NASP: variants seen among roughly 807,000 people sequenced by gnomAD.
The protein encoded by NASP is nuclear autoantigenic sperm protein, also known as NASP histone chaperone.
In NASP, 24 loss-of-function variants were observed where a neutral mutation model predicts 89.5. The ratio of observed to expected loss-of-function variants is 0.27; its 90% CI spans 0.19 to 0.38. The LOEUF (loss-of-function observed/expected upper bound fraction) is 0.38, where lower values mean the gene tolerates loss of function less well. Ranked by LOEUF, NASP falls within the 10% of genes least tolerant of loss-of-function variation. The probability of loss-of-function intolerance (pLI) is 1.00; values close to 1 mark genes in which losing one functional copy is unlikely to be tolerated. For missense variants in NASP, 848 were observed against 921.4 expected (o/e 0.92, Z 1.03); for synonymous variants, 306 against 324.7 (o/e 0.94, Z 0.62).
intron 2 of NASP, chr1:45,594,689 T>C (rs1281108561): frequency 2.2e-6 from 1 of 454,726 alleles, no homozygotes; most frequent in African/African-American, 2.0e-5. Flanking sequence ...GTATTTTGTT[T>C]TTAGAGATGA....
intron 2 of NASP, among the ~76,000 whole-genome samples, chr1:45,597,135 C>T (rs1446655980): frequency 6.6e-6 from 1 of 151,876 alleles, no homozygotes; most frequent in Non-Finnish European, 1.5e-5. Context: ...ATGGTGAAAC[C>T]GTCTCTACTA....
At chr1:45,618,015 G>T (rs772290557) in intron 14 of NASP, 46 bp from the exon 15 acceptor site, 30 of 1,529,330 alleles carry the variant, frequency 2.0e-5, no homozygotes, top group Non-Finnish European at 2.5e-5. Context: ...AAGACAGAAT[G>T]GCTTAAACTA....
In NASP at chr1:45,584,161, C is replaced by T. The variant is rs771941099; in HGVS notation, c.15C>T (p.Ser5=). ...TCAGGGGAACGATGGCCATGGAGTCCACAGCCACTGCCGCCGTCGCCGCGG... is the reference window on the plus strand; with the variant it reads ...TCAGGGGAACGATGGCCATGGAGTCTACAGCCACTGCCGCCGTCGCCGCGG... MAME[S]TATAAVAAEL... is the part of the protein sequence containing the mutation. Residue 5 remains serine, a synonymous_variant, in exon 1 of 15, where the codon TCC becomes TCT. Coordinates refer to ENST00000350030, the MANE Select transcript of NASP (RefSeq NM_002482.4). The T allele has an allele frequency of 5.2e-5, 83 of 1,596,384 alleles. No individual in the cohort carries two copies. The highest frequency in any genetic ancestry group is 7.0e-5 in the Non-Finnish European group (82 of 1,171,890).
At position 45,602,305 on chromosome 1, in the gene NASP, A is replaced by G; in HGVS notation, c.158A>G (p.His53Arg). The G allele has an allele frequency of 1.2e-6, 2 of 1,613,824 alleles. No homozygotes were observed. Among genetic ancestry groups the G allele is most frequent in the Non-Finnish European group, 1.7e-6 (2 of 1,179,776 alleles). ...AKKLLGLGQK[H>R]LVMGDIPAAV... Reference sequence around the variant, plus strand: ...AAACTATTGGGTTTAGGACAGAAACATCTGGTGATGGGGGATATTCCAGCA... The same window carrying G: ...AAACTATTGGGTTTAGGACAGAAACGTCTGGTGATGGGGGATATTCCAGCA... Residue 53 changes from histidine to arginine, a missense_variant, in exon 3 of 15, where the codon CAT becomes CGT. Around this residue, in one of 5 missense-constraint regions of NASP, gnomAD observed 89 missense variants for 79.2 expected, o/e 1.12. Coordinates refer to ENST00000350030, the MANE Select transcript of NASP (RefSeq NM_002482.4).
At chr1:45,584,343 C>G (rs995069429) in intron 1 of NASP, 138 bp downstream of exon 1, 1 of 748,224 alleles carries the variant, frequency 1.3e-6, no homozygotes, top group Non-Finnish European at 2.2e-6. Flanking sequence ...TCGGGAAGGC[C>G]TGGTCACTGG....
intron 3 of NASP, among the ~76,000 whole-genome samples, chr1:45,602,834 G>C (rs1643869441): frequency 6.6e-6 from 1 of 152,132 alleles, no homozygotes. Flanking sequence ...ACATTGCCCA[G>C]GCTGGTCTCG....
intron 2 of NASP, among the ~76,000 whole-genome samples, chr1:45,593,028 A>C (rs1643591127): frequency 6.6e-6 from 1 of 152,342 alleles, no homozygotes; most frequent in Admixed American, 6.5e-5. Context: ...TTGGATAAAA[A>C]GACATCATTC....
Position 45,584,165 on chromosome 1 carries a change from G to C in NASP, c.19G>C (p.Ala7Pro). The C allele has an allele frequency of 1.3e-6, 2 of 1,596,878 alleles. No individual in the cohort carries two copies. ...GGGAACGATGGCCATGGAGTCCACA[G>C]CCACTGCCGCCGTCGCCGCGGAGCT... is the stretch of plus-strand genomic sequence containing the variant. MAMESTATAAVAAELVS... is the reference protein window; with the variant it reads MAMESTPTAAVAAELVS... The change falls in exon 1 of 15, where the codon GCC becomes CCC. Residue 7 changes from alanine to proline, a missense_variant. Around this residue, in one of 5 missense-constraint regions of NASP, gnomAD observed 89 missense variants for 79.2 expected, o/e 1.12. Transcript: ENST00000350030.
At chr1:45,594,638 C>G (rs1367716194) in intron 2 of NASP, 6 of 436,404 alleles carry the variant, frequency 1.4e-5, no homozygotes, top group Non-Finnish European at 2.8e-5. Flanking sequence ...TCCTGGGTAG[C>G]TAGGATCACA....
rs762849720 is a variant in NASP at position 45,607,783 on chromosome 1, C to T, written c.872C>T (p.Thr291Ile). The T allele has an allele frequency of 6.2e-6, 10 of 1,613,984 alleles. No individual in the cohort carries two copies. The highest frequency in any genetic ancestry group is 7.6e-6 in the Non-Finnish European group (9 of 1,180,032). The change falls in exon 6 of 15, where the codon ACT (threonine) becomes ATT (isoleucine). Residue 291 changes from threonine to isoleucine, a missense_variant. By Grantham distance (89) the Thr-to-Ile change is moderately conservative. Transcript: ENST00000350030. ...QPVVTLEKQG[T>I]AVEVEAESLD... ...GTGGTGACTCTAGAAAAGCAGGGCA[C>T]TGCAGTGGAGGTAGAAGCAGAGTCT...
At chr1:45,606,447 C>T in intron 4 of NASP, 35 bp from the exon 5 acceptor site, 1 of 1,497,438 alleles carries the variant, frequency 6.7e-7, no homozygotes, top group Non-Finnish European at 9.3e-7. Flanking sequence ...AGGTTCTAGC[C>T]ATCAAACCTT....
At chr1:45,604,819 G>T in intron 3 of NASP, 117 bp from the exon 4 acceptor site, 1 of 748,000 alleles carries the variant, frequency 1.3e-6, no homozygotes, top group Admixed American at 2.4e-5. Flanking sequence ...AGCAAGAGGG[G>T]TATTGGTTTT....
intron 1 of NASP, among the ~76,000 whole-genome samples, chr1:45,587,280 G>A (rs1456117706): frequency 2.0e-5 from 3 of 151,392 alleles, no homozygotes; most frequent in African/African-American, 7.3e-5. Context: ...CCGCCCTCCC[G>A]GATTCAAGCA....
chr1:45,613,093 AC>A (rs1644043145), intron 6 of NASP, 75 bp from the exon 7 acceptor site: 2 of 1,516,948 alleles, frequency 1.3e-6, no homozygotes, highest in African/African-American at 2.8e-5. Context: ...ATAGGTTGAG[AC>A]GTGTATTGGA....
At chr1:45,587,259 C>G (rs1644565699) in intron 1 of NASP, among the ~76,000 whole-genome samples, 1 of 151,440 alleles carries the variant, frequency 6.6e-6, no homozygotes, top group African/African-American at 2.4e-5. Flanking sequence ...AATCTCTGCT[C>G]ACTGCAACCT....
chr1:45,613,749 A>G (rs558402593), intron 7 of NASP, among the ~76,000 whole-genome samples: 12 of 152,114 alleles, frequency 7.9e-5, no homozygotes, highest in African/African-American at 2.9e-4. Flanking sequence ...CAGCCTCCCA[A>G]AGTGTTGGGA....
chr1:45,586,239 C>CGTGTGTGTGTGTGT (rs537983711), intron 1 of NASP, among the ~76,000 whole-genome samples: 90 of 110,272 alleles, frequency 8.2e-4, no homozygotes, highest in Middle Eastern at 4.3e-3. Flanking sequence ...CCTACCGTGC[C>CGTGTGTGTGTGTGT]GTGTGTGTGT....
chr1:45,586,284 GGTGTGTGTGTGTGT>G (rs202167906), intron 1 of NASP, among the ~76,000 whole-genome samples: 5,680 of 99,766 alleles, frequency 0.057, 241 homozygotes, highest in African/African-American at 0.061. Context: ...GTGTGTGTGT[GGTGTGTGTGTGTGT>G]GTGTGTGTGT....
In NASP at chr1:45,584,154, T is replaced by C. The variant is rs994820581; in HGVS notation, c.8T>C (p.Met3Thr). 8 of 1,595,410 alleles carry C rather than the reference T, an allele frequency of 5.0e-6. No individual in the cohort carries two copies. The African/African-American group carries it at 1.1e-4, about 21-fold the overall frequency. MA[M>T]ESTATAAVAA... is the part of the protein sequence containing the mutation. ...CGCCACCTCAGGGGAACGATGGCCA[T>C]GGAGTCCACAGCCACTGCCGCCGTC... The change falls in exon 1 of 15, where the codon ATG (methionine) becomes ACG (threonine). Residue 3 changes from methionine (M) to threonine (T), a missense_variant. By Grantham distance (81) the Met-to-Thr change is moderately conservative. This residue lies in a region of NASP where 89 missense variants were observed against 79.2 expected (regional missense o/e 1.12). Coordinates refer to ENST00000350030, the MANE Select transcript of NASP (RefSeq NM_002482.4).
Sources: allele counts gnomAD v4.1 joint callset (sites outside exome capture counted in the v4.1 genomes callset), GRCh38; gene constraint gnomAD v4.1.1; regional missense constraint gnomAD v4.1.1; transcripts MANE v1.5; gene names NCBI Gene and HGNC (gene_info 2026-07-23, HGNC 2026-07-21).